Variants in ACAP2 observed in about 807,000 individuals in gnomAD.
ACAP2 encodes the protein ArfGAP with coiled-coil, ankyrin repeat and PH domains 2.
Under a neutral mutation model 115.8 loss-of-function variants are expected in ACAP2, and 39 were observed. The ratio of observed to expected loss-of-function variants is 0.34; its 90% CI spans 0.26 to 0.44. The LOEUF (loss-of-function observed/expected upper bound fraction) is 0.44, where lower values mean the gene tolerates loss of function less well. Among genes scored for constraint, ACAP2 ranks in the 20% least tolerant of loss-of-function variants. The probability of loss-of-function intolerance (pLI) is 1.00; values close to 1 mark genes in which losing one functional copy is unlikely to be tolerated. For synonymous variants in ACAP2, 289 were observed against 315.8 expected (o/e 0.92, Z 0.90); for missense variants, 662 against 927.6 (o/e 0.71, Z 3.72).
chr3:195,302,119 G>A lies in ACAP2; in HGVS notation c.1172C>T (p.Ser391Phe). The change falls in exon 14 of 23, where the codon TCC becomes TTC. Residue 391 changes from serine to phenylalanine, a missense_variant. Physicochemically the swap from Ser to Phe is radical, Grantham distance 155. Coordinates refer to ENST00000326793, the MANE Select transcript of ACAP2 (RefSeq NM_012287.6). Reference protein sequence around the residue: ...STGSLDSGNESKEKLLKGESA... With the variant: ...STGSLDSGNEFKEKLLKGESA... ...TTCTCCTTTCAATAATTTCTCTTTG[G>A]ACTCATTTCCAGAATCTAGGCTTCC... 6.2e-7 allele frequency: 1 copy of A among 1,613,972 alleles called. No individual in the cohort carries two copies. Among genetic ancestry groups the A allele is most frequent in the Non-Finnish European group, 8.5e-7 (1 of 1,180,012 alleles).
At chr3:195,339,020 T>TAGGAGTTTGAGATC (rs1020512810) in intron 6 of ACAP2, among the ~76,000 whole-genome samples, 1 of 151,998 alleles carries the variant, frequency 6.6e-6, no homozygotes, top group Non-Finnish European at 1.5e-5. Context: ...CGCTTGAGAT[T>TAGGAGTTTGAGATC]AGGAGTTTGA....
chr3:195,286,197 T>A (rs990116532), intron 21 of ACAP2, among the ~76,000 whole-genome samples: 2 of 152,230 alleles, frequency 1.3e-5, no homozygotes, highest in Non-Finnish European at 2.9e-5. Context: ...TGCCAACTGT[T>A]GAAATTATTG....
intron 4 of ACAP2, among the ~76,000 whole-genome samples, chr3:195,375,361 G>C (rs1425364542): frequency 6.6e-6 from 1 of 151,834 alleles, no homozygotes; most frequent in African/African-American, 2.4e-5. Context: ...GTTTTCTCCA[G>C]TGTTCCATAC....
chr3:195,421,986 G>C (rs1370490888), intron 1 of ACAP2, among the ~76,000 whole-genome samples: 1 of 151,926 alleles, frequency 6.6e-6, no homozygotes, highest in Non-Finnish European at 1.5e-5. Context: ...CTGCTATTCT[G>C]TTATATCCAA....
intron 22 of ACAP2, chr3:195,282,804 C>T (rs1198923119): frequency 6.6e-6 from 1 of 152,204 alleles, no homozygotes; most frequent in Admixed American, 6.5e-5. Context: ...GCCTGGACAG[C>T]TCTAAGTTTT....
chr3:195,394,234 T>A (rs1711559328), intron 1 of ACAP2, among the ~76,000 whole-genome samples: 1 of 152,156 alleles, frequency 6.6e-6, no homozygotes, highest in Non-Finnish European at 1.5e-5. Context: ...CTCACTAGTC[T>A]CAGTTCCCCA....
intron 4 of ACAP2, chr3:195,349,517 C>T (rs1731403005): frequency 6.6e-6 from 1 of 152,388 alleles, no homozygotes; most frequent in Admixed American, 6.6e-5. Flanking sequence ...TTTATAATAA[C>T]AAATAGGAAA....
chr3:195,418,649 C>G (rs1297976272), intron 1 of ACAP2, among the ~76,000 whole-genome samples: 2 of 152,138 alleles, frequency 1.3e-5, no homozygotes, highest in African/African-American at 4.8e-5. Flanking sequence ...AGTCTGGTCT[C>G]AAACACCTGG....
intron 10 of ACAP2, among the ~76,000 whole-genome samples, chr3:195,309,238 G>A (rs1175544196): frequency 5.9e-5 from 9 of 152,064 alleles, no homozygotes; most frequent in African/African-American, 1.4e-4. Flanking sequence ...AATGTATATC[G>A]TGAATAAAAG....
chr3:195,301,050 AAGAGTGCTATATATAAATAT>A (rs1560217190), intron 15 of ACAP2, among the ~76,000 whole-genome samples: 22 of 152,292 alleles, frequency 1.4e-4, no homozygotes, highest in African/African-American at 5.3e-4. Context: ...ACCTGGAGTT[AAGAGTGCTATATATAAATAT>A]AGCCTTTTTT....
At chr3:195,377,138 CTTTTTTTTTTTT>C (rs749352761) in intron 4 of ACAP2, among the ~76,000 whole-genome samples, 8 of 77,110 alleles carry the variant, frequency 1.0e-4, no homozygotes, top group East Asian at 6.3e-4. Context: ...GAATGTAAAT[CTTTTTTTTTTTT>C]TTTTTTTTTT....
chr3:195,321,766 C>A (rs970719150), intron 9 of ACAP2, among the ~76,000 whole-genome samples: 1 of 151,430 alleles, frequency 6.6e-6, no homozygotes, highest in African/African-American at 2.4e-5. Context: ...ACGTTTGCCA[C>A]CATGCCCAGC....
In ACAP2 at chr3:195,306,520, A is replaced by G. The variant is rs1296174452; in HGVS notation, c.1107T>C (p.Asp369=). The G allele has an allele frequency of 6.2e-7, 1 of 1,604,668 alleles. No homozygotes were observed. Among genetic ancestry groups the G allele is most frequent in the Non-Finnish European group, 8.5e-7 (1 of 1,176,340 alleles). The stretch of plus-strand genomic sequence containing the variant: ...TAATACCTCTACTAACCTCTGATTC[A>G]TCACCCTTCTCTCTATAAGCAGTAG... ...SIATAYREKG[D]ESEKLDKKSS... Residue 369 remains aspartate (D), a synonymous_variant, in exon 13 of 23, where the codon GAT becomes GAC. Coordinates refer to ENST00000326793, the MANE Select transcript of ACAP2 (RefSeq NM_012287.6).
At chr3:195,370,535 T>C (rs886430315) in intron 4 of ACAP2, among the ~76,000 whole-genome samples, 3 of 152,190 alleles carry the variant, frequency 2.0e-5, no homozygotes, top group South Asian at 2.1e-4. Flanking sequence ...GTCAGCTTTG[T>C]TGAAGATCAG....
chr3:195,298,456 A>G (rs1727803758), intron 15 of ACAP2, among the ~76,000 whole-genome samples: 1 of 151,882 alleles, frequency 6.6e-6, no homozygotes, highest in Non-Finnish European at 1.5e-5. Flanking sequence ...GGGTTTCACT[A>G]TGTTGGCCAG....
In ACAP2 at chr3:195,302,025, T is replaced by C; in HGVS notation, c.1266A>G (p.Pro422=). ...TGCCCAGGTTGATGCTGGCCCACCG[T>C]GGATCTGCCAGGCCACAGTCACAAC... The part of the protein sequence containing the change: ...ASCCDCGLAD[P]RWASINLGIT... Residue 422 remains proline (P), a synonymous_variant, in exon 14 of 23, where the codon CCA becomes CCG. Transcript: ENST00000326793. 6.2e-7 allele frequency: 1 copy of C among 1,614,038 alleles called. No individual in the cohort carries two copies. The highest frequency in any genetic ancestry group is 8.5e-7 in the Non-Finnish European group (1 of 1,180,028).
intron 1 of ACAP2, among the ~76,000 whole-genome samples, chr3:195,421,725 CAGTT>C (rs1416727289): frequency 1.3e-5 from 2 of 152,186 alleles, no homozygotes; most frequent in Non-Finnish European, 2.9e-5. Context: ...TCTATTGTCA[CAGTT>C]AGTTTTCTTC....
At chr3:195,409,165 A>G (rs190145845) in intron 1 of ACAP2, among the ~76,000 whole-genome samples, 3 of 152,296 alleles carry the variant, frequency 2.0e-5, no homozygotes, top group Admixed American at 2.0e-4. Flanking sequence ...TTTACAGACA[A>G]TATGACCTTA....
chr3:195,337,962 C>CCCGGGGCCA lies in ACAP2; in HGVS notation c.529-987_529-986insTGGCCCCGG, dbSNP rs1336105273. ...GGGGCCACTCCCACCTCAACCTGAGCCTGGGGCCACTCCCACCTCAATGCC... is the reference window on the plus strand; with the variant it reads ...GGGGCCACTCCCACCTCAACCTGAGCCCGGGGCCACTGGGGCCACTCCCACCTCAATGCC... On this transcript the variant is annotated intron_variant, in intron 6 of 22. Transcript: ENST00000326793. Among the ~76,000 whole-genome samples the CCCGGGGCCA allele has an allele frequency of 3.8e-4, 57 of 151,424 alleles. 7 individuals carry two copies. Among genetic ancestry groups the CCCGGGGCCA allele is most frequent in the East Asian group, 2.4e-3 (12 of 5,092 alleles).
Sources: allele counts gnomAD v4.1 joint callset (sites outside exome capture counted in the v4.1 genomes callset), GRCh38; gene constraint gnomAD v4.1.1; transcripts MANE v1.5; gene names NCBI Gene and HGNC (gene_info 2026-07-23, HGNC 2026-07-21).